The following LOC128125818 variants were observed in gnomAD, a reference collection of about 807,000 sequenced individuals.
At chr4:6,069,752 CAAA>C in the LOC128125818 span, among the ~76,000 whole-genome samples, 238 of 125,014 alleles carry the variant, frequency 1.9e-3, no homozygotes, top group Middle Eastern at 3.9e-3. The surrounding 1 kb of genome is among the most constrained non-coding windows in gnomAD (Gnocchi z 4.5). Context: ...GATCCTGTCT[CAAA>C]AAAAAAAAAA....
the LOC128125818 span, chr4:6,065,152 C>T: frequency 3.4e-5 from 34 of 1,008,424 alleles, no homozygotes; most frequent in Middle Eastern, 4.4e-4. This position sits in a 1 kb window ranked among gnomAD's most constrained non-coding sequence, Gnocchi z 5.1. Flanking sequence ...TGGTGGGCTT[C>T]GTAACTGACT....
At chr4:6,067,594 T>C in the LOC128125818 span, among the ~76,000 whole-genome samples, 14,923 of 143,654 alleles carry the variant, frequency 0.1, 748 homozygotes, top group African/African-American at 0.17. The surrounding 1 kb of genome is among the most constrained non-coding windows in gnomAD (Gnocchi z 4.6). Context: ...CAAGCTCTTC[T>C]GCACACACAG....
chr4:6,068,516 C>A, the LOC128125818 span, among the ~76,000 whole-genome samples: 4 of 152,000 alleles, frequency 2.6e-5, no homozygotes, highest in Admixed American at 2.6e-4. Context: ...TGGGACCCAA[C>A]CCCTCAGGTT....
the LOC128125818 span, among the ~76,000 whole-genome samples, chr4:6,067,509 C>G: frequency 6.6e-6 from 1 of 152,220 alleles, no homozygotes; most frequent in Non-Finnish European, 1.5e-5. The surrounding 1 kb of genome is among the most constrained non-coding windows in gnomAD (Gnocchi z 4.6). Flanking sequence ...ACTCTTCCAA[C>G]CAGCTCTAGA....
the LOC128125818 span, among the ~76,000 whole-genome samples, chr4:6,068,172 C>T: frequency 1.3e-5 from 2 of 152,096 alleles, no homozygotes; most frequent in Non-Finnish European, 2.9e-5. Flanking sequence ...ACTACCAATG[C>T]TGCCGAAAAC....
chr4:6,068,274 C>T, the LOC128125818 span, among the ~76,000 whole-genome samples: 1 of 152,170 alleles, frequency 6.6e-6, no homozygotes, highest in Non-Finnish European at 1.5e-5. Context: ...AGTAGAGCAA[C>T]CTTAGCAAAC....
chr4:6,066,920 C>T, the LOC128125818 span, among the ~76,000 whole-genome samples: 8 of 152,000 alleles, frequency 5.3e-5, no homozygotes, highest in Admixed American at 4.6e-4. Context: ...CCACACACAC[C>T]TGCCATGGGG....
the LOC128125818 span, among the ~76,000 whole-genome samples, chr4:6,067,071 C>T: frequency 6.6e-6 from 1 of 152,198 alleles, no homozygotes; most frequent in Non-Finnish European, 1.5e-5. This position sits in a 1 kb window ranked among gnomAD's most constrained non-coding sequence, Gnocchi z 4.6. Context: ...ACCCCCGCCC[C>T]AGCCTCTGGG....
the LOC128125818 span, chr4:6,065,134 G>A: frequency 2.1e-4 from 252 of 1,196,004 alleles, 1 homozygote; most frequent in Non-Finnish European, 3.0e-4. This position sits in a 1 kb window ranked among gnomAD's most constrained non-coding sequence, Gnocchi z 5.1. Flanking sequence ...GGCATCACAA[G>A]ATGCGGTTGG....
the LOC128125818 span, chr4:6,065,014 A>C: frequency 6.2e-7 from 1 of 1,614,142 alleles, no homozygotes; most frequent in Non-Finnish European, 8.5e-7. The surrounding 1 kb of genome is among the most constrained non-coding windows in gnomAD (Gnocchi z 5.1). Context: ...TGCTTCTGTA[A>C]AACGCAATTT....
the LOC128125818 span, among the ~76,000 whole-genome samples, chr4:6,069,585 C>T: frequency 6.6e-5 from 10 of 152,052 alleles, no homozygotes; most frequent in African/African-American, 2.4e-4. The surrounding 1 kb of genome is among the most constrained non-coding windows in gnomAD (Gnocchi z 4.5). Context: ...TCCATCTCTA[C>T]AAAAAGTTAT....
the LOC128125818 span, among the ~76,000 whole-genome samples, chr4:6,065,742 C>T: frequency 4.6e-5 from 7 of 152,238 alleles, no homozygotes; most frequent in East Asian, 5.8e-4. The surrounding 1 kb of genome is among the most constrained non-coding windows in gnomAD (Gnocchi z 5.1). Flanking sequence ...CTCTGAGTTG[C>T]CCTGCTGGCA....
chr4:6,068,558 C>CTTTTT, the LOC128125818 span, among the ~76,000 whole-genome samples: 2 of 136,304 alleles, frequency 1.5e-5, no homozygotes, highest in African/African-American at 2.8e-5. Context: ...AATTTTTTAA[C>CTTTTT]TTTTTTTTTT....
the LOC128125818 span, among the ~76,000 whole-genome samples, chr4:6,067,695 T>TGCACAC: frequency 3.8e-5 from 5 of 132,546 alleles, no homozygotes; most frequent in Admixed American, 1.4e-4. This position sits in a 1 kb window ranked among gnomAD's most constrained non-coding sequence, Gnocchi z 4.6. Flanking sequence ...CAAGCTCTTC[T>TGCACAC]GCACACACAG....
the LOC128125818 span, among the ~76,000 whole-genome samples, chr4:6,066,504 G>A: frequency 1.1e-4 from 16 of 152,064 alleles, no homozygotes; most frequent in Admixed American, 7.9e-4. Context: ...AGACTCATAC[G>A]TCAGCTGCGT....
the LOC128125818 span, among the ~76,000 whole-genome samples, chr4:6,066,658 C>T: frequency 1.3e-5 from 2 of 150,290 alleles, no homozygotes; most frequent in Non-Finnish European, 2.9e-5. Context: ...GTCTTCTCCA[C>T]CTCTCATGCC....
chr4:6,067,844 ACG>A, the LOC128125818 span, among the ~76,000 whole-genome samples: 3 of 151,652 alleles, frequency 2.0e-5, no homozygotes, highest in African/African-American at 7.3e-5. This position sits in a 1 kb window ranked among gnomAD's most constrained non-coding sequence, Gnocchi z 4.6. Flanking sequence ...TCTTCTGCAC[ACG>A]CAGGTCACCC....
the LOC128125818 span, among the ~76,000 whole-genome samples, chr4:6,068,765 T>C: frequency 6.6e-6 from 1 of 152,124 alleles, no homozygotes; most frequent in East Asian, 1.9e-4. Flanking sequence ...TGACAAGGTT[T>C]CACCATGTTA....
the LOC128125818 span, among the ~76,000 whole-genome samples, chr4:6,066,635 G>A: frequency 6.6e-6 from 1 of 152,126 alleles, no homozygotes; most frequent in East Asian, 1.9e-4. Context: ...CCCAATCCCA[G>A]GAGTCCTCCC....
Sources: allele counts gnomAD v4.1 joint callset (sites outside exome capture counted in the v4.1 genomes callset), GRCh38; gene constraint gnomAD v4.1.1; non-coding constraint Gnocchi (gnomAD v3.1); transcripts MANE v1.5.